CNGB3: variants seen among roughly 807,000 people sequenced by gnomAD.
CNGB3 encodes the protein cyclic nucleotide-gated channel beta-3.
A neutral mutation model predicts 92.8 loss-of-function variants in CNGB3; 86 were observed. That is an observed-to-expected ratio of 0.93 (90% CI 0.78 to 1.11). The LOEUF is 1.11. Among genes scored for constraint, CNGB3 ranks in the 50% least tolerant of loss-of-function variants. The pLI is 0.00. For missense variants in CNGB3, 1,026 were observed against 956.8 expected (o/e 1.07, Z -0.95); for synonymous variants, 333 against 332.7 (o/e 1.00, Z -0.01).
In CNGB3 at chr8:86,582,942, G is replaced by GT. The variant is rs377620073; in HGVS notation, c.1782-3691dup. Among the ~76,000 whole-genome samples the GT allele has an allele frequency of 4.8e-3, 699 of 146,636 alleles. 11 individuals carry two copies. Among genetic ancestry groups the GT allele is most frequent in the South Asian group, 0.027 (126 of 4,582 alleles). On this transcript the variant is annotated intron_variant, in intron 15 of 17. Coordinates refer to ENST00000320005, the MANE Select transcript of CNGB3 (RefSeq NM_019098.5). ...GTAAAATATTTTGTCATTCCTTTTT[G>GT]TTTTTTTTTTGAGACAGAGTTTTGC...
chr8:86,676,169 G>T (rs1471213398), intron 3 of CNGB3, among the ~76,000 whole-genome samples: 1 of 152,150 alleles, frequency 6.6e-6, no homozygotes. Context: ...TGACGTGCAC[G>T]CAGGGATAAC....
chr8:86,621,465 A>G (rs1215582844), intron 13 of CNGB3, among the ~76,000 whole-genome samples: 1 of 152,168 alleles, frequency 6.6e-6, no homozygotes, highest in African/African-American at 2.4e-5. Context: ...TTTTTTATTT[A>G]CTTTTTAATT....
At chr8:86,722,076 T>C (rs1204909413) in intron 3 of CNGB3, among the ~76,000 whole-genome samples, 1 of 152,176 alleles carries the variant, frequency 6.6e-6, no homozygotes. Context: ...AAAAGCCATA[T>C]ACTATAGTGT....
intron 14 of CNGB3, 30 bp from the exon 15 acceptor site, chr8:86,604,241 A>C (rs377706810): frequency 1.4e-5 from 19 of 1,355,292 alleles, no homozygotes; most frequent in Admixed American, 8.4e-5. Context: ...AGGAAATGGT[A>C]GTTACTTTAT....
intron 10 of CNGB3, among the ~76,000 whole-genome samples, chr8:86,638,932 C>G (rs1823126468): frequency 6.6e-6 from 1 of 151,662 alleles, no homozygotes. Flanking sequence ...CTCTCCCTTT[C>G]CCCCCTCCTC....
chr8:86,729,210 T>C (rs1197625675), intron 2 of CNGB3, among the ~76,000 whole-genome samples: 1 of 152,188 alleles, frequency 6.6e-6, no homozygotes, highest in Non-Finnish European at 1.5e-5. Flanking sequence ...GGGCTATTTC[T>C]TATAAAGCCA....
chr8:86,608,461 A>G (rs1822453062), intron 14 of CNGB3, among the ~76,000 whole-genome samples: 1 of 152,182 alleles, frequency 6.6e-6, no homozygotes, highest in Non-Finnish European at 1.5e-5. Context: ...TGGGAAAGGG[A>G]GTCTCCTTTT....
chr8:86,720,839 T>TAC (rs4024071), intron 3 of CNGB3, among the ~76,000 whole-genome samples: 11,586 of 129,492 alleles, frequency 0.089, 514 homozygotes, highest in Non-Finnish European at 0.11. Flanking sequence ...TATATATGTA[T>TAC]ACACACACAC....
rs1237834750 is a variant in CNGB3, at chr8:86,576,657, A to G, written c.2104-527T>C. Among the ~76,000 whole-genome samples, 4 of 152,160 alleles carry G rather than the reference A, an allele frequency of 2.6e-5. No individual in the cohort carries two copies. The South Asian group carries it at 8.3e-4, about 32-fold the overall frequency. Reference sequence around the variant, plus strand: ...TGCTTGACCTGTCATGTTTGTACCTATCGTGTTTAGCACTAGCTATAGAAA... The same window carrying G: ...TGCTTGACCTGTCATGTTTGTACCTGTCGTGTTTAGCACTAGCTATAGAAA... On this transcript the variant is annotated intron_variant, in intron 17 of 17. Coordinates refer to ENST00000320005, the MANE Select transcript of CNGB3 (RefSeq NM_019098.5).
chr8:86,728,089 A>G (rs1825094936), intron 2 of CNGB3, among the ~76,000 whole-genome samples: 1 of 152,276 alleles, frequency 6.6e-6, no homozygotes, highest in East Asian at 1.9e-4. Context: ...CGCATCTCCT[A>G]TCTACTTTTA....
intron 10 of CNGB3, among the ~76,000 whole-genome samples, chr8:86,641,639 T>C (rs1336830675): frequency 3.3e-5 from 5 of 151,886 alleles, no homozygotes; most frequent in African/African-American, 1.2e-4. Context: ...ATTCATTTTT[T>C]TTTCCCCTTA....
At chr8:86,625,100 G>A (rs1334639808) in intron 13 of CNGB3, among the ~76,000 whole-genome samples, 1 of 152,064 alleles carries the variant, frequency 6.6e-6, no homozygotes, top group Admixed American at 6.6e-5. Flanking sequence ...GCAGAACCAT[G>A]ACCAAATAAA....
chr8:86,706,517 C>T (rs1824655056), intron 3 of CNGB3, among the ~76,000 whole-genome samples: 1 of 152,160 alleles, frequency 6.6e-6, no homozygotes, highest in Non-Finnish European at 1.5e-5. Flanking sequence ...TTTCATGTGG[C>T]CACCAGTTGG....
At chr8:86,698,742 G>A (rs182501888) in intron 3 of CNGB3, among the ~76,000 whole-genome samples, 72 of 152,164 alleles carry the variant, frequency 4.7e-4, no homozygotes, top group African/African-American at 1.7e-3. Flanking sequence ...TTAAGAGTTG[G>A]GATTTTCAAC....
chr8:86,576,592 A>G (rs548380089), intron 17 of CNGB3, among the ~76,000 whole-genome samples: 2 of 152,334 alleles, frequency 1.3e-5, no homozygotes, highest in East Asian at 3.9e-4. Flanking sequence ...GGAGAAACTT[A>G]TCCCTTTCCT....
chr8:86,585,871 T>C (rs1238714792), intron 15 of CNGB3, among the ~76,000 whole-genome samples: 1 of 152,196 alleles, frequency 6.6e-6, no homozygotes, highest in Non-Finnish European at 1.5e-5. Context: ...AGTAAGTTTA[T>C]GGATGGAAGG....
chr8:86,717,572 A>G (rs1824881978), intron 3 of CNGB3, among the ~76,000 whole-genome samples: 1 of 151,796 alleles, frequency 6.6e-6, no homozygotes, highest in South Asian at 2.1e-4. Context: ...AAAAAAAAAA[A>G]AAAAAAAAAT....
intron 13 of CNGB3, among the ~76,000 whole-genome samples, chr8:86,618,512 T>C (rs1303448743): frequency 6.9e-6 from 1 of 144,492 alleles, no homozygotes; most frequent in Non-Finnish European, 1.5e-5. Flanking sequence ...TTATTTAGTA[T>C]CTCCCCTCCC....
chr8:86,711,462 C>T (rs2131658910), intron 3 of CNGB3, among the ~76,000 whole-genome samples: 1 of 152,210 alleles, frequency 6.6e-6, no homozygotes, highest in South Asian at 2.1e-4. Flanking sequence ...TAGTAATTGT[C>T]CAATTTCCTT....
Sources: allele counts gnomAD v4.1 joint callset (sites outside exome capture counted in the v4.1 genomes callset), GRCh38; gene constraint gnomAD v4.1.1; transcripts MANE v1.5; gene names NCBI Gene and HGNC (gene_info 2026-07-23, HGNC 2026-07-21).